The following PROX2 variants were observed in gnomAD, a reference collection of about 807,000 sequenced individuals.
PROX2 encodes prospero homeobox protein 2.
In PROX2, 46 loss-of-function variants were observed where a neutral mutation model predicts 48.9. The observed-to-expected ratio is 0.94, with a 90% CI of 0.74 to 1.20. PROX2 has a LOEUF of 1.20. PROX2 is among the 50% of genes most tolerant of loss of function. The pLI is 0.00. For synonymous variants in PROX2, 260 were observed against 276.6 expected, an observed-to-expected ratio of 0.94 and a Z score of 0.60; for missense variants, 663 against 719.4, an observed-to-expected ratio of 0.92 and a Z score of 0.90.
At chr14:74,871,063 G>C (rs1302665625) in intron 2 of PROX2, 40 bp downstream of exon 2, 2 of 151,264 alleles carry the variant, frequency 1.3e-5, no homozygotes, top group Admixed American at 6.6e-5. Context: ...TAAATAGATA[G>C]ATAAATAAAT....
rs1021137018 is a variant in PROX2 at position 74,853,276 on chromosome 14, T to C, written c.*1856A>G. On this transcript the variant is annotated 3_prime_UTR_variant, in exon 6 of 6. Coordinates refer to ENST00000556489, the MANE Select transcript of PROX2 (RefSeq NM_001243007.2). ...TATTGGACAGTCATGTGAACTTGTT[T>C]CCCCTGTATGTCTAACTTAGGTATG... is the stretch of plus-strand genomic sequence containing the variant. 2 of 152,202 alleles carry C rather than the reference T, an allele frequency of 1.3e-5. No individual in the cohort carries two copies. Among genetic ancestry groups the C allele is most frequent in the Non-Finnish European group, 2.9e-5 (2 of 68,034 alleles). 9.4% of individuals were successfully genotyped at this position (152,202 alleles called of 1,614,324 possible). A position where few individuals can be genotyped will look rare whatever the true frequency, so the allele number is the denominator to read the frequency against.
In PROX2 at chr14:74,863,612, T is replaced by A. The variant is rs2091818967; in HGVS notation, c.223A>T (p.Met75Leu). The change falls in exon 3 of 6, where the codon ATG becomes TTG. Residue 75 changes from methionine to leucine, a missense_variant. By Grantham distance (15) the Met-to-Leu change is conservative (BLOSUM62 2). Coordinates refer to ENST00000556489, the MANE Select transcript of PROX2 (RefSeq NM_001243007.2). ...RARVETIVRG[M>L]CLSPNPLVPG... ...ACCAGAGGATTCGGGGAGAGACACA[T>A]GCCTCGGACAATGGTCTCCACTCTG... The A allele has an allele frequency of 6.2e-7, 1 of 1,605,706 alleles. No homozygotes were observed. Among genetic ancestry groups the A allele is most frequent in the African/African-American group, 1.3e-5 (1 of 74,840 alleles).
At chr14:74,858,742 G>T in intron 3 of PROX2, 1 of 479,862 alleles carries the variant, frequency 2.1e-6, no homozygotes, top group Non-Finnish European at 3.8e-6. Context: ...GAAAAGTTAT[G>T]TAGCATAGAT....
Position 74,855,138 on chromosome 14 carries a change from G to A in PROX2, c.1773C>T (p.Pro591=). Reference sequence around the variant, plus strand: ...GATCTTAACCCCGAAACAGCTACTGGGGATAGCTGGAAGATTTGAATATCT... The same window carrying A: ...GATCTTAACCCCGAAACAGCTACTGAGGATAGCTGGAAGATTTGAATATCT... ...IPEIFKSSSY[P]Q is the part of the protein sequence containing the mutation. Residue 591 remains proline (P), a synonymous_variant, in exon 6 of 6, where the codon CCC becomes CCT. Coordinates refer to ENST00000556489, the MANE Select transcript of PROX2 (RefSeq NM_001243007.2). 1 of 1,555,470 alleles carries A rather than the reference G, an allele frequency of 6.4e-7. No homozygotes were observed. The highest frequency in any genetic ancestry group is 1.2e-5 in the South Asian group (1 of 82,014).
chr14:74,856,666 T>G, intron 5 of PROX2, 135 bp downstream of exon 5: 3 of 681,962 alleles, frequency 4.4e-6, no homozygotes, highest in Non-Finnish European at 4.9e-6. Flanking sequence ...TCTTTGTGGA[T>G]GATACAGAGA....
In PROX2 at chr14:74,861,090, G is replaced by A. The variant is rs1026334440; in HGVS notation, c.1305+1440C>T. On this transcript the variant is annotated intron_variant, in intron 3 of 5. Coordinates refer to ENST00000556489, the MANE Select transcript of PROX2 (RefSeq NM_001243007.2). Reference sequence around the variant, plus strand: ...TGGGGTGTTTCCAACACTTTTGACCGGCAGGGGGCGCTCATGGCATTTAGG... The same window carrying A: ...TGGGGTGTTTCCAACACTTTTGACCAGCAGGGGGCGCTCATGGCATTTAGG... 4 of 602,846 alleles carry A rather than the reference G, an allele frequency of 6.6e-6. No individual in the cohort carries two copies. In the East Asian group the frequency reaches 1.7e-4, roughly 25 times the overall value. 37.3% of individuals were successfully genotyped at this position (602,846 alleles called of 1,614,324 possible).
In PROX2 at chr14:74,856,914, C is replaced by T; in HGVS notation, c.1495G>A (p.Ala499Thr). ...ACACCATCTGAAATTGCTTGCCGGGCAGATTTTTCCATTTGGATGTAATAA... is the reference window on the plus strand; with the variant it reads ...ACACCATCTGAAATTGCTTGCCGGGTAGATTTTTCCATTTGGATGTAATAA... ...EFYYIQMEKS[A>T]RQAISDGVTN... is the part of the protein sequence containing the mutation. The change falls in exon 5 of 6, where the codon GCC becomes ACC. Residue 499 changes from alanine to threonine, a missense_variant. Physicochemically the swap from Ala to Thr is moderately conservative, Grantham distance 58 (BLOSUM62 0). Coordinates refer to ENST00000556489, the MANE Select transcript of PROX2 (RefSeq NM_001243007.2). 1 of 1,614,006 alleles carries T rather than the reference C, an allele frequency of 6.2e-7. No individual in the cohort carries two copies. Among genetic ancestry groups the T allele is most frequent in the South Asian group, 1.1e-5 (1 of 91,082 alleles).
Position 74,863,480 on chromosome 14 carries a change from G to A in PROX2, c.355C>T (p.Pro119Ser). Residue 119 changes from proline (P) to serine (S), a missense_variant, in exon 3 of 6, where the codon CCT becomes TCT. By Grantham distance (74) the Pro-to-Ser change is moderately conservative. Transcript: ENST00000556489. ...TTCCTGTTGCCCTGGTCCCAGGCAG[G>A]GGCTGGCATCAGGAGGCCTTGCGGT... is the stretch of plus-strand genomic sequence containing the variant. ...PTPQGLLMPA[P>S]AWDQGNRKGG... 1 of 1,613,762 alleles carries A rather than the reference G, an allele frequency of 6.2e-7. No homozygotes were observed. The highest frequency in any genetic ancestry group is 2.2e-5 in the East Asian group (1 of 44,874).
At position 74,863,084 on chromosome 14, in the gene PROX2, C is replaced by G; in HGVS notation, c.751G>C (p.Gly251Arg). The change falls in exon 3 of 6, where the codon GGC (glycine) becomes CGC (arginine). Residue 251 changes from glycine (G) to arginine (R), a missense_variant. Coordinates refer to ENST00000556489, the MANE Select transcript of PROX2 (RefSeq NM_001243007.2). Reference sequence around the variant, plus strand: ...CTTCTGCCCAGCTGAGTCAGGTGGCCTGGTGGATCCAATAGTACCTTTTGT... The same window carrying G: ...CTTCTGCCCAGCTGAGTCAGGTGGCGTGGTGGATCCAATAGTACCTTTTGT... ...VLQKVLLDPP[G>R]HLTQLGRSFQ... The G allele has an allele frequency of 1.9e-6, 3 of 1,613,980 alleles. No individual in the cohort carries two copies. Among genetic ancestry groups the G allele is most frequent in the Non-Finnish European group, 2.5e-6 (3 of 1,179,860 alleles).
chr14:74,865,658 C>T (rs946034789), intron 2 of PROX2, among the ~76,000 whole-genome samples: 7 of 151,062 alleles, frequency 4.6e-5, no homozygotes, highest in East Asian at 2.0e-4. Flanking sequence ...CATGAAACCC[C>T]GTCTCTACTA....
chr14:74,874,060 T>A, intron 1 of PROX2: 1 of 523,864 alleles, frequency 1.9e-6, no homozygotes, highest in Non-Finnish European at 3.9e-6. Context: ...TAATTATGAA[T>A]CCGCCTTTTG....
At position 74,857,013 on chromosome 14, in the gene PROX2, C is replaced by G; in HGVS notation, c.1414-18G>C. On this transcript the variant is annotated intron_variant, in intron 4 of 5. Coordinates refer to ENST00000556489, the MANE Select transcript of PROX2 (RefSeq NM_001243007.2). ...CGGTTGAACTGTACAAACAAGAGGTCCATCCAGTCAGACATTTGCCACGAG... is the reference window on the plus strand; with the variant it reads ...CGGTTGAACTGTACAAACAAGAGGTGCATCCAGTCAGACATTTGCCACGAG... 4 of 1,609,626 alleles carry G rather than the reference C, an allele frequency of 2.5e-6. No homozygotes were observed. The highest frequency in any genetic ancestry group is 3.4e-6 in the Non-Finnish European group (4 of 1,176,256).
At chr14:74,856,683 C>T in intron 5 of PROX2, 118 bp downstream of exon 5, 1 of 828,196 alleles carries the variant, frequency 1.2e-6, no homozygotes. Flanking sequence ...GAGATTGGCC[C>T]AGGCTGCCCT....
At position 74,863,905 on chromosome 14, in the gene PROX2, C is replaced by A; in HGVS notation, c.-71G>T. ...CTCAGCTGGAAGTGCACCCAGAATG[C>A]GCTGGGCTTCCTCCTCTGCACTTAG... On this transcript the variant is annotated 5_prime_UTR_variant, in exon 3 of 6. Transcript: ENST00000556489. 7.0e-7 allele frequency: 1 copy of A among 1,418,510 alleles called. No homozygotes were observed. The highest frequency in any genetic ancestry group is 2.5e-5 in the East Asian group (1 of 39,972). The allele number at this position is 1,418,510 out of a possible 1,614,324, so 87.9% of individuals were successfully genotyped here. A position where few individuals can be genotyped will look rare whatever the true frequency, so the allele number is the denominator to read the frequency against.
intron 2 of PROX2, chr14:74,865,440 G>A (rs1468535729): frequency 6.6e-6 from 1 of 152,306 alleles, no homozygotes; most frequent in Non-Finnish European, 1.5e-5. Flanking sequence ...AGCGGTTGGG[G>A]AGAAGGAGGG....
At position 74,862,704 on chromosome 14, in the gene PROX2, A is replaced by T; in HGVS notation, c.1131T>A (p.Pro377=). ...TAGTAGTTCTCCAAGGTCGTAGGGC[A>T]GGCTCTGAGGAGGGGTGCCTCTGGG... ...SSSQRHPSSE[P]ALRPWRTTKP... The change falls in exon 3 of 6, where the codon CCT becomes CCA. Residue 377 remains proline, a synonymous_variant. Transcript: ENST00000556489. 6 of 1,614,036 alleles carry T rather than the reference A, an allele frequency of 3.7e-6. No homozygotes were observed. The highest frequency in any genetic ancestry group is 5.1e-6 in the Non-Finnish European group (6 of 1,179,890).
chr14:74,868,212 C>T (rs1014216507), intron 2 of PROX2, among the ~76,000 whole-genome samples: 3 of 150,856 alleles, frequency 2.0e-5, no homozygotes, highest in Admixed American at 1.3e-4. Context: ...AAGAAAGACA[C>T]TCTAATGCCA....
At chr14:74,875,408 G>T (rs1207498206) in intron 1 of PROX2, among the ~76,000 whole-genome samples, 2 of 152,202 alleles carry the variant, frequency 1.3e-5, no homozygotes, top group Non-Finnish European at 2.9e-5. Flanking sequence ...CACAGCAGCT[G>T]CAATGCCTCC....
At chr14:74,855,604 G>C in intron 5 of PROX2, 1 of 252,014 alleles carries the variant, frequency 4.0e-6, no homozygotes, top group Non-Finnish European at 7.5e-6. Flanking sequence ...AAATCTTACT[G>C]AAAGTAAATC....
Sources: allele counts gnomAD v4.1 joint callset (sites outside exome capture counted in the v4.1 genomes callset), GRCh38; gene constraint gnomAD v4.1.1; transcripts MANE v1.5; gene names NCBI Gene and HGNC (gene_info 2026-07-23, HGNC 2026-07-21).